TMEM273: variants seen among roughly 807,000 people sequenced by gnomAD.
TMEM273 encodes chromosome 10 open reading frame 128.
Under a neutral mutation model 17.9 loss-of-function variants are expected in TMEM273, and 19 were observed. The observed-to-expected ratio is 1.06, with a 90% CI of 0.74 to 1.55. The LOEUF (loss-of-function observed/expected upper bound fraction) is 1.55. TMEM273 is among the 40% of genes most tolerant of loss of function. TMEM273 has a pLI of 0.00. For missense variants in TMEM273, 194 were observed against 155.6 expected (o/e 1.25, Z -1.31); for synonymous variants, 66 against 62.0 (o/e 1.07, Z -0.31).
intron 1 of TMEM273, among the ~76,000 whole-genome samples, chr10:49,181,916 A>G (rs1017785587): frequency 2.0e-5 from 3 of 152,268 alleles, no homozygotes; most frequent in Admixed American, 2.0e-4. Flanking sequence ...ATAGACTAAG[A>G]AAATATTTGC....
intron 1 of TMEM273, among the ~76,000 whole-genome samples, chr10:49,168,558 AC>A (rs1293336727): frequency 2.0e-5 from 3 of 152,022 alleles, no homozygotes; most frequent in Admixed American, 6.6e-5. Context: ...ACACATCAAT[AC>A]GTCTTCTGGC....
chr10:49,160,316 C>T (rs957089790), intron 6 of TMEM273: 2 of 152,128 alleles, frequency 1.3e-5, no homozygotes, highest in Non-Finnish European at 2.9e-5. Context: ...TGATGCAATA[C>T]AACAAAAGAT....
chr10:49,157,070 T>G (rs1845555800), intron 6 of TMEM273, among the ~76,000 whole-genome samples: 1 of 152,138 alleles, frequency 6.6e-6, no homozygotes, highest in Non-Finnish European at 1.5e-5. Flanking sequence ...AAAGGCCCCT[T>G]CAGGTGTTGA....
intron 1 of TMEM273, among the ~76,000 whole-genome samples, chr10:49,172,781 C>T (rs913754270): frequency 6.6e-6 from 1 of 152,190 alleles, no homozygotes; most frequent in Non-Finnish European, 1.5e-5. Flanking sequence ...GTGGCAGCTG[C>T]CCTTCTACAA....
At chr10:49,171,596 C>T (rs903366177) in intron 1 of TMEM273, among the ~76,000 whole-genome samples, 3 of 152,252 alleles carry the variant, frequency 2.0e-5, no homozygotes, top group African/African-American at 7.2e-5. Flanking sequence ...AGCCCCCTCA[C>T]AGCTGCCATT....
In TMEM273 at chr10:49,177,042, G is replaced by T. The variant is rs192903711; in HGVS notation, c.44-9080C>A. Among the ~76,000 whole-genome samples the T allele has an allele frequency of 2.3e-4, 35 of 152,284 alleles. 1 individual carries two copies. Among genetic ancestry groups the T allele is most frequent in the African/African-American group, 4.8e-4 (20 of 41,560 alleles). On this transcript the variant is annotated intron_variant, in intron 1 of 6. Coordinates refer to ENST00000374153, the MANE Select transcript of TMEM273 (RefSeq NM_001288740.3). ...GGGAGGTGCAGCCCTGCTGCCTGCC[G>T]CCAGGGGAGGCAGGGTCAGATGGGT... is the stretch of plus-strand genomic sequence containing the variant.
At chr10:49,172,814 C>T (rs370944859) in intron 1 of TMEM273, among the ~76,000 whole-genome samples, 32 of 152,316 alleles carry the variant, frequency 2.1e-4, no homozygotes, top group Admixed American at 8.5e-4. Flanking sequence ...CCACCTGAGA[C>T]GGGCATCTGC....
chr10:49,179,519 C>T (rs1409507201), intron 1 of TMEM273, among the ~76,000 whole-genome samples: 1 of 152,224 alleles, frequency 6.6e-6, no homozygotes, highest in East Asian at 1.9e-4. Flanking sequence ...CTCCAGAACT[C>T]TTTTCAAACT....
chr10:49,178,164 T>C (rs1396419965), intron 1 of TMEM273: 1 of 457,310 alleles, frequency 2.2e-6, no homozygotes. Context: ...CATCAAGCCC[T>C]CCTCTTTTGC....
intron 1 of TMEM273, among the ~76,000 whole-genome samples, chr10:49,185,775 T>A (rs1350494681): frequency 6.6e-6 from 1 of 151,914 alleles, no homozygotes; most frequent in African/African-American, 2.4e-5. Flanking sequence ...GGTCAGGAGT[T>A]CAAGACCAGC....
At chr10:49,182,025 G>A (rs970006319) in intron 1 of TMEM273, among the ~76,000 whole-genome samples, 1 of 152,148 alleles carries the variant, frequency 6.6e-6, no homozygotes, top group Non-Finnish European at 1.5e-5. Context: ...TTAGAAAAAT[G>A]GGCAGAAGTC....
chr10:49,167,016 C>A lies in TMEM273; in HGVS notation c.98-7G>T, dbSNP rs377684588. The A allele has an allele frequency of 3.7e-6, 6 of 1,613,420 alleles. No individual in the cohort carries two copies. Among genetic ancestry groups the A allele is most frequent in the Non-Finnish European group, 4.2e-6 (5 of 1,179,634 alleles). On this transcript the variant is annotated splice_polypyrimidine_tract_variant and splice_region_variant and intron_variant, in intron 2 of 6. Transcript: ENST00000374153. The stretch of plus-strand genomic sequence containing the variant: ...ATGAGGGCGTACTTGAAATCTGAAA[C>A]GCAGGGAGGAATTGAACACCCGGTT...
intron 5 of TMEM273, among the ~76,000 whole-genome samples, chr10:49,163,544 G>A (rs994178654): frequency 6.6e-6 from 1 of 152,156 alleles, no homozygotes; most frequent in Non-Finnish European, 1.5e-5. Flanking sequence ...GACAGTCCAG[G>A]CTCACACCTA....
At chr10:49,161,848 T>A (rs1346859104) in intron 5 of TMEM273, among the ~76,000 whole-genome samples, 1 of 152,138 alleles carries the variant, frequency 6.6e-6, no homozygotes, top group African/African-American at 2.4e-5. Context: ...TTACGATACC[T>A]GCCAAGAACA....
At chr10:49,162,123 A>C (rs1362987784) in intron 5 of TMEM273, among the ~76,000 whole-genome samples, 2 of 152,198 alleles carry the variant, frequency 1.3e-5, no homozygotes, top group Non-Finnish European at 2.9e-5. Context: ...ACTTCCAAAA[A>C]ACACATATAA....
At chr10:49,170,218 C>T (rs1391469178) in intron 1 of TMEM273, among the ~76,000 whole-genome samples, 3 of 152,212 alleles carry the variant, frequency 2.0e-5, no homozygotes, top group African/African-American at 7.2e-5. Flanking sequence ...TCACTCAGAC[C>T]ATCATTGGGA....
intron 1 of TMEM273, among the ~76,000 whole-genome samples, chr10:49,172,248 C>A (rs1174029597): frequency 1.3e-5 from 2 of 152,096 alleles, no homozygotes; most frequent in Non-Finnish European, 2.9e-5. Flanking sequence ...GGCCCCAGTG[C>A]CTAGGAGAAA....
At chr10:49,170,262 T>C (rs1846471506) in intron 1 of TMEM273, among the ~76,000 whole-genome samples, 2 of 152,110 alleles carry the variant, frequency 1.3e-5, no homozygotes, top group East Asian at 3.9e-4. Flanking sequence ...AGCCCTAACA[T>C]CAAAAGGCCC....
chr10:49,185,632 T>C (rs1047424272), intron 1 of TMEM273, among the ~76,000 whole-genome samples: 1 of 152,224 alleles, frequency 6.6e-6, no homozygotes, highest in Non-Finnish European at 1.5e-5. Context: ...ACAATCATTA[T>C]GAAAAATGCC....
Sources: allele counts gnomAD v4.1 joint callset (sites outside exome capture counted in the v4.1 genomes callset), GRCh38; gene constraint gnomAD v4.1.1; transcripts MANE v1.5; gene names NCBI Gene and HGNC (gene_info 2026-07-23, HGNC 2026-07-21).